The following SLC35H1 variants were observed in gnomAD, a reference collection of about 807,000 sequenced individuals.
SLC35H1 encodes solute carrier family 35 member H1.
chr20:46,350,995 A>C, the SLC35H1 span: 17 of 1,441,326 alleles, frequency 1.2e-5, no homozygotes, highest in Non-Finnish European at 1.6e-5. Context: ...TGGGCAGATC[A>C]AGATCTTACT....
chr20:46,350,649 C>G, the SLC35H1 span: 1 of 1,521,334 alleles, frequency 6.6e-7, no homozygotes, highest in Non-Finnish European at 8.9e-7. Flanking sequence ...CCACATCTTC[C>G]TAGAGGAGTG....
the SLC35H1 span, chr20:46,350,591 T>A: frequency 6.5e-7 from 1 of 1,537,418 alleles, no homozygotes; most frequent in East Asian, 2.3e-5. Context: ...CTGATTTGCA[T>A]GTGTGCTGAG....
chr20:46,356,440 G>T, the SLC35H1 span: 1 of 831,936 alleles, frequency 1.2e-6, no homozygotes, highest in Non-Finnish European at 2.0e-6. Flanking sequence ...GGGTGCCAGG[G>T]AGAGGCTGAG....
At chr20:46,355,378 AG>A in the SLC35H1 span, 10 of 982,152 alleles carry the variant, frequency 1.0e-5, no homozygotes, top group Non-Finnish European at 8.9e-6. The surrounding 1 kb of genome is among the most constrained non-coding windows in gnomAD (Gnocchi z 4.8). Flanking sequence ...GCTCCATCCC[AG>A]GGGGTCCTGG....
chr20:46,356,398 G>A, the SLC35H1 span, among the ~76,000 whole-genome samples: 4 of 152,184 alleles, frequency 2.6e-5, no homozygotes, highest in African/African-American at 4.8e-5. Context: ...CTGGGCTTAC[G>A]GAAGAGGCTG....
chr20:46,350,516 C>A, the SLC35H1 span: 13 of 1,598,616 alleles, frequency 8.1e-6, no homozygotes, highest in East Asian at 2.9e-4. Flanking sequence ...GCCTTGGGGC[C>A]ACCATCACCT....
chr20:46,355,109 T>G, the SLC35H1 span: 1 of 1,613,910 alleles, frequency 6.2e-7, no homozygotes, highest in Non-Finnish European at 8.5e-7. The surrounding 1 kb of genome is among the most constrained non-coding windows in gnomAD (Gnocchi z 4.8). Context: ...TGGGTGAGGG[T>G]CCAGCGAATG....
At chr20:46,358,241 G>T in the SLC35H1 span, 1 of 753,894 alleles carries the variant, frequency 1.3e-6, no homozygotes, top group Non-Finnish European at 2.2e-6. Context: ...CGGCAGGCTT[G>T]GAGGGCCCTG....
the SLC35H1 span, chr20:46,352,381 G>T: frequency 1.5e-5 from 10 of 688,224 alleles, no homozygotes; most frequent in Admixed American, 2.9e-5. Context: ...AAGGTATAAA[G>T]TGATCCCACA....
the SLC35H1 span, chr20:46,350,505 G>A: frequency 1.2e-6 from 2 of 1,602,700 alleles, no homozygotes; most frequent in East Asian, 2.2e-5. Flanking sequence ...GCCCCTTCAA[G>A]GCCTTGGGGC....
At chr20:46,355,041 C>T in the SLC35H1 span, 21 of 1,613,870 alleles carry the variant, frequency 1.3e-5, no homozygotes, top group African/African-American at 2.7e-4. This position sits in a 1 kb window ranked among gnomAD's most constrained non-coding sequence, Gnocchi z 4.8. Flanking sequence ...GCCGGGGTTC[C>T]TCTCTCTGGA....
At chr20:46,357,480 G>T in the SLC35H1 span, 2 of 1,003,068 alleles carry the variant, frequency 2.0e-6, no homozygotes, top group Non-Finnish European at 2.9e-6. Context: ...GTGGTGGGAG[G>T]CCAGGTCAAG....
At chr20:46,350,534 G>C in the SLC35H1 span, 6 of 1,579,838 alleles carry the variant, frequency 3.8e-6, 1 homozygote, top group Middle Eastern at 1.7e-4. Flanking sequence ...CCTTGGGATA[G>C]AGAGAGACCA....
the SLC35H1 span, chr20:46,350,555 C>T: frequency 1.9e-6 from 3 of 1,557,976 alleles, no homozygotes; most frequent in Non-Finnish European, 1.7e-6. Flanking sequence ...CAGTTACAGG[C>T]CCAGTCGTGG....
At chr20:46,355,652 G>T in the SLC35H1 span, 2 of 1,147,594 alleles carry the variant, frequency 1.7e-6, no homozygotes, top group African/African-American at 1.5e-5. This position sits in a 1 kb window ranked among gnomAD's most constrained non-coding sequence, Gnocchi z 4.8. Context: ...TATTGCCCAT[G>T]TCTAGGTCCC....
At chr20:46,362,447 T>C in the SLC35H1 span, among the ~76,000 whole-genome samples, 45 of 152,262 alleles carry the variant, frequency 3.0e-4, no homozygotes, top group Admixed American at 8.5e-4. Context: ...GGCAGCATGG[T>C]TTAGTGCTTA....
At chr20:46,357,001 A>G in the SLC35H1 span, among the ~76,000 whole-genome samples, 5 of 152,076 alleles carry the variant, frequency 3.3e-5, no homozygotes, top group African/African-American at 7.2e-5. Context: ...CCTCCAGGAC[A>G]TGACCCCTGC....
At chr20:46,358,876 G>A in the SLC35H1 span, 32 of 716,750 alleles carry the variant, frequency 4.5e-5, no homozygotes, top group Non-Finnish European at 7.4e-5. Flanking sequence ...TGCCCACAAC[G>A]GCACAGGCAG....
chr20:46,348,356 C>G, the SLC35H1 span: 1 of 152,272 alleles, frequency 6.6e-6, no homozygotes, highest in African/African-American at 2.4e-5. Context: ...AGACAGGAAG[C>G]TCTCATCCAC....
Sources: gnomAD v4.1 joint callset for allele counts (sites outside exome capture counted in the v4.1 genomes callset) on GRCh38, gnomAD v4.1.1 for gene constraint, Gnocchi (gnomAD v3.1) non-coding constraint, MANE v1.5 for transcripts, NCBI Gene and HGNC (gene_info 2026-07-23, HGNC 2026-07-21) for gene names.